Variants in ANKMY2 observed in about 807,000 individuals in gnomAD.
The protein encoded by ANKMY2 is ankyrin repeat and MYND domain-containing protein 2.
Under a neutral mutation model 50.4 loss-of-function variants are expected in ANKMY2, and 36 were observed. The observed-to-expected ratio is 0.71, with a 90% CI of 0.55 to 0.94. ANKMY2 has a LOEUF of 0.94. Ranked by LOEUF, ANKMY2 falls within the 40% of genes least tolerant of loss-of-function variation. The pLI, the probability that ANKMY2 is intolerant of heterozygous loss-of-function variation, is 0.00. For synonymous variants in ANKMY2, 187 were observed against 178.8 expected, an observed-to-expected ratio of 1.05 and a Z score of -0.36; for missense variants, 565 against 524.0, an observed-to-expected ratio of 1.08 and a Z score of -0.76.
At chr7:16,638,636 C>T (rs1449989879) in intron 1 of ANKMY2, among the ~76,000 whole-genome samples, 2 of 152,180 alleles carry the variant, frequency 1.3e-5, no homozygotes, top group Admixed American at 6.5e-5. Flanking sequence ...GTCTTCAGCT[C>T]CTCTCCCTTT....
chr7:16,622,437 T>C (rs1166003773), intron 4 of ANKMY2, among the ~76,000 whole-genome samples: 1 of 152,160 alleles, frequency 6.6e-6, no homozygotes, highest in African/African-American at 2.4e-5. Flanking sequence ...GAAAGGAATC[T>C]AGACTTACAT....
rs1181649680 is a variant in ANKMY2, at chr7:16,600,945, T to A, written c.1142A>T (p.His381Leu). 2 of 1,577,938 alleles carry A rather than the reference T, an allele frequency of 1.3e-6. No homozygotes were observed. Among genetic ancestry groups the A allele is most frequent in the Admixed American group, 3.7e-5 (2 of 53,520 alleles). The change falls in exon 10 of 10, where the codon CAC becomes CTC. Residue 381 changes from histidine (H) to leucine (L), a missense_variant and splice_region_variant. His to Leu is a moderately conservative substitution (Grantham distance 99). Transcript: ENST00000306999. ...AAKEKRQEEN[H>L]GKLDVNSNCV... ...GTTAGAATTGACATCAAGTTTGCCG[T>A]CTGATTAAAAAAAGAAGAAGTTATT...
At chr7:16,636,914 GC>G (rs1419539933) in intron 1 of ANKMY2, among the ~76,000 whole-genome samples, 1 of 152,168 alleles carries the variant, frequency 6.6e-6, no homozygotes, top group African/African-American at 2.4e-5. Context: ...ATAATAGAGT[GC>G]TTGGTTTGGA....
intron 5 of ANKMY2, among the ~76,000 whole-genome samples, chr7:16,612,551 T>C (rs1409274560): frequency 6.6e-6 from 1 of 152,224 alleles, no homozygotes; most frequent in Non-Finnish European, 1.5e-5. Context: ...AGTTGTTTGA[T>C]CAGTATTTTT....
At position 16,645,650 on chromosome 7, in the gene ANKMY2, C is replaced by G. The variant is rs1288575885; in HGVS notation, c.-77G>C. On this transcript the variant is annotated 5_prime_UTR_variant, in exon 1 of 10. Coordinates refer to ENST00000306999, the MANE Select transcript of ANKMY2 (RefSeq NM_020319.3). ...AAACGATGCGTCTGTATTGGGAACGCCAGCCGCAATGAGGCAACTTGAGAC... is the reference window on the plus strand; with the variant it reads ...AAACGATGCGTCTGTATTGGGAACGGCAGCCGCAATGAGGCAACTTGAGAC... 1.0e-5 allele frequency: 15 copies of G among 1,501,448 alleles called. No individual in the cohort carries two copies. In the East Asian group the frequency reaches 3.3e-4, roughly 33 times the overall value. 93.0% of individuals were successfully genotyped at this position (1,501,448 alleles called of 1,614,324 possible). A position where few individuals can be genotyped will look rare whatever the true frequency, so the allele number is the denominator to read the frequency against.
intron 5 of ANKMY2, 132 bp from the exon 6 acceptor site, chr7:16,610,895 T>A: frequency 2.6e-6 from 2 of 759,574 alleles, no homozygotes. Flanking sequence ...TATTATGTTA[T>A]TTGTTAGAAT....
rs770293433 is a variant in ANKMY2 at position 16,600,876 on chromosome 7, TGA to T, written c.1209_1210del (p.Gln404LysfsTer6). On this transcript the variant is annotated frameshift_variant, in exon 10 of 10. Transcript: ENST00000306999. LOFTEE classifies it low-confidence loss of function (END_TRUNC). ...GGAATCTTCAGGATTGGAATCCTTT[TGA>T]GAGATACCTACTTCAGCCTCTGGTT... is the stretch of plus-strand genomic sequence containing the variant. 1.2e-6 allele frequency: 2 copies of T among 1,613,134 alleles called. No homozygotes were observed. The highest frequency in any genetic ancestry group is 2.7e-5 in the African/African-American group (2 of 74,876).
Position 16,645,681 on chromosome 7 carries a change from C to T in ANKMY2, c.-108G>A, listed in dbSNP as rs1781830901. ...GCAATGAGGCAACTTGAGACCAAGA[C>T]ACTGAGTAGCCAACCGCGGAAACGC... On this transcript the variant is annotated 5_prime_UTR_variant, in exon 1 of 10. Transcript: ENST00000306999. 1 of 1,206,440 alleles carries T rather than the reference C, an allele frequency of 8.3e-7. No homozygotes were observed. Among genetic ancestry groups the T allele is most frequent in the South Asian group, 1.5e-5 (1 of 65,754 alleles). The allele number at this position is 1,206,440 out of a possible 1,614,324, so 74.7% of individuals were successfully genotyped here.
intron 6 of ANKMY2, 149 bp downstream of exon 6, chr7:16,610,400 T>C (rs375700081): frequency 1.6e-6 from 1 of 640,284 alleles, no homozygotes; most frequent in East Asian, 2.7e-5. Flanking sequence ...AGTATAATAT[T>C]ATTCTCTGTT....
At chr7:16,618,391 C>G (rs1781388015) in intron 4 of ANKMY2, among the ~76,000 whole-genome samples, 1 of 151,778 alleles carries the variant, frequency 6.6e-6, no homozygotes, top group African/African-American at 2.4e-5. Flanking sequence ...AAGAACAAAT[C>G]CAGGAAATCT....
intron 1 of ANKMY2, among the ~76,000 whole-genome samples, chr7:16,643,371 C>T (rs904320125): frequency 5.3e-5 from 8 of 152,150 alleles, no homozygotes; most frequent in South Asian, 2.1e-4. Flanking sequence ...AGTCAATAAA[C>T]GTTGGCTATG....
chr7:16,607,059 C>T (rs144158882), intron 7 of ANKMY2, among the ~76,000 whole-genome samples: 29 of 152,296 alleles, frequency 1.9e-4, no homozygotes, highest in South Asian at 4.1e-4. Flanking sequence ...AGGGTTAGAA[C>T]TTGCAGAATA....
At position 16,627,022 on chromosome 7, in the gene ANKMY2, T is replaced by C. The variant is rs775835624; in HGVS notation, c.271+18A>G. 7.6e-6 allele frequency: 12 copies of C among 1,577,232 alleles called. No homozygotes were observed. Among genetic ancestry groups the C allele is most frequent in the Non-Finnish European group, 1.0e-5 (12 of 1,163,706 alleles). On this transcript the variant is annotated intron_variant, in intron 3 of 9. Transcript: ENST00000306999. ...AGTTTGTATAGGTAACTTATATTTATAAATACTAAAACTTCACCAGAAAGT... is the reference window on the plus strand; with the variant it reads ...AGTTTGTATAGGTAACTTATATTTACAAATACTAAAACTTCACCAGAAAGT...
rs1781016850 is a variant in ANKMY2 at position 16,600,127 on chromosome 7, G to A, written c.*634C>T. 1 of 152,148 alleles carries A rather than the reference G, an allele frequency of 6.6e-6. No homozygotes were observed. The highest frequency in any genetic ancestry group is 1.5e-5 in the Non-Finnish European group (1 of 68,042). The allele number at this position is 152,148 out of a possible 1,614,324, so 9.4% of individuals were successfully genotyped here. ...CAATATGCCTTTGTTCCTGCTGAGG[G>A]ATCTGCCATTCTGGAGGTACAAATA... is the stretch of plus-strand genomic sequence containing the variant. On this transcript the variant is annotated 3_prime_UTR_variant, in exon 10 of 10. Coordinates refer to ENST00000306999, the MANE Select transcript of ANKMY2 (RefSeq NM_020319.3).
At position 16,616,041 on chromosome 7, in the gene ANKMY2, G is replaced by C. The variant is rs748409733; in HGVS notation, c.371-137C>G. The C allele has an allele frequency of 3.4e-5, 26 of 757,302 alleles. No homozygotes were observed. The East Asian group carries it at 6.8e-4, about 20-fold the overall frequency. The allele number at this position is 757,302 out of a possible 1,614,324, so 46.9% of individuals were successfully genotyped here. A position where few individuals can be genotyped will look rare whatever the true frequency, so the allele number is the denominator to read the frequency against. On this transcript the variant is annotated intron_variant, in intron 4 of 9. Transcript: ENST00000306999. ...TATTTTTCAGGAAAGGAGAGTAGAG[G>C]AGGAGGAGGAGAGATAAAATATTTT...
intron 1 of ANKMY2, among the ~76,000 whole-genome samples, chr7:16,637,304 T>C (rs1414633427): frequency 6.6e-6 from 1 of 152,220 alleles, no homozygotes; most frequent in Non-Finnish European, 1.5e-5. Flanking sequence ...ATTTCCTCTC[T>C]TTAAATTTAG....
intron 1 of ANKMY2, among the ~76,000 whole-genome samples, chr7:16,643,953 A>G (rs1781779513): frequency 6.7e-6 from 1 of 149,302 alleles, no homozygotes; most frequent in Non-Finnish European, 1.5e-5. Flanking sequence ...GGCTGCAGAG[A>G]GCTGCAACTC....
At chr7:16,627,501 C>T (rs1158972649) in intron 2 of ANKMY2, among the ~76,000 whole-genome samples, 2 of 152,018 alleles carry the variant, frequency 1.3e-5, no homozygotes, top group Non-Finnish European at 2.9e-5. Flanking sequence ...AGCAAATGAA[C>T]AAACAGATAC....
rs1781018184 is a variant in ANKMY2, at chr7:16,600,223, C to A, written c.*538G>T. On this transcript the variant is annotated 3_prime_UTR_variant, in exon 10 of 10. Coordinates refer to ENST00000306999, the MANE Select transcript of ANKMY2 (RefSeq NM_020319.3). ...TCAGGATCATTTCTATATAAAACTA[C>A]AATTAGCTGAACTATGGCAAAGGTC... 1 of 152,214 alleles carries A rather than the reference C, an allele frequency of 6.6e-6. No homozygotes were observed. The allele number at this position is 152,214 out of a possible 1,614,324, so 9.4% of individuals were successfully genotyped here.
Sources: gnomAD v4.1 joint callset for allele counts (sites outside exome capture counted in the v4.1 genomes callset) on GRCh38, gnomAD v4.1.1 for gene constraint, MANE v1.5 for transcripts, NCBI Gene and HGNC (gene_info 2026-07-23, HGNC 2026-07-21) for gene names.